IPCEF1: variants seen among roughly 807,000 people sequenced by gnomAD.
IPCEF1 encodes interaction protein for cytohesin exchange factors 1.
In IPCEF1, 31 loss-of-function variants were observed where a neutral mutation model predicts 50.9. The observed-to-expected ratio is 0.61, with a 90% confidence interval of 0.46 to 0.82. IPCEF1 has a LOEUF of 0.82. Among genes scored for constraint, IPCEF1 ranks in the 40% least tolerant of loss-of-function variants. The probability of loss-of-function intolerance (pLI) is 0.00; values close to 1 mark genes in which losing one functional copy is unlikely to be tolerated. For missense variants in IPCEF1, 458 were observed against 514.0 expected (o/e 0.89, Z 1.05); for synonymous variants, 181 against 192.0 (o/e 0.94, Z 0.47).
rs189031806 is a variant in IPCEF1, at chr6:154,165,439, C to T, written c.1104+2481G>A. Among the ~76,000 whole-genome samples the T allele has an allele frequency of 1.3e-3, 199 of 152,324 alleles. 1 individual carries two copies. Among genetic ancestry groups the T allele is most frequent in the Non-Finnish European group, 1.8e-3 (120 of 68,036 alleles). On this transcript the variant is annotated intron_variant, in intron 11 of 11. Transcript: ENST00000367220. ...TCTCTCCTTTGAATAGGTTGATGCA[C>T]TTTGCTTTTGTTCAGCTTCTTCAGC...
chr6:154,317,613 T>C (rs1439853506), intron 1 of IPCEF1, among the ~76,000 whole-genome samples: 1 of 43,770 alleles, frequency 2.3e-5, no homozygotes, highest in Non-Finnish European at 5.3e-5. Flanking sequence ...AATGTAAAAA[T>C]GGCCAAAAAA....
At chr6:154,261,596 A>G (rs555595836) in intron 3 of IPCEF1, among the ~76,000 whole-genome samples, 1 of 152,192 alleles carries the variant, frequency 6.6e-6, no homozygotes, top group Non-Finnish European at 1.5e-5. Context: ...TGAAAATCCC[A>G]TTGTTTCATT....
In IPCEF1 at chr6:154,199,866, G is replaced by T; in HGVS notation, c.712C>A (p.Pro238Thr). 2 of 1,614,174 alleles carry T rather than the reference G, an allele frequency of 1.2e-6. No homozygotes were observed. The highest frequency in any genetic ancestry group is 1.7e-6 in the Non-Finnish European group (2 of 1,180,024). The change falls in exon 10 of 12, where the codon CCA becomes ACA. Residue 238 changes from proline to threonine, a missense_variant. By Grantham distance (38) the Pro-to-Thr change is conservative. Transcript: ENST00000367220. ...SLSAAEDEGQPITFAVQVHSP... is the reference protein window; with the variant it reads ...SLSAAEDEGQTITFAVQVHSP... ...TGAACTTGCACAGCAAACGTTATTG[G>T]TTGTCCCTCATCTTCAGCAGCAGAC...
chr6:154,189,989 T>A (rs9479785), intron 10 of IPCEF1, among the ~76,000 whole-genome samples: 13,601 of 151,968 alleles, frequency 0.089, 885 homozygotes, highest in African/African-American at 0.18. Context: ...TATGTACAAT[T>A]GTTATATGTC....
At chr6:154,261,226 A>G (rs770638935) in intron 3 of IPCEF1, among the ~76,000 whole-genome samples, 2 of 151,944 alleles carry the variant, frequency 1.3e-5, no homozygotes, top group Non-Finnish European at 1.5e-5. Context: ...GGGTCTCCCT[A>G]TGTTGCCCAG....
intron 2 of IPCEF1, among the ~76,000 whole-genome samples, chr6:154,271,916 G>A (rs1389721395): frequency 1.3e-5 from 2 of 152,296 alleles, no homozygotes; most frequent in Admixed American, 6.5e-5. Context: ...GAGCCCAGGA[G>A]TTCAAGTCTG....
intron 1 of IPCEF1, among the ~76,000 whole-genome samples, chr6:154,354,258 C>T (rs1421520100): frequency 6.6e-6 from 1 of 152,140 alleles, no homozygotes; most frequent in African/African-American, 2.4e-5. Flanking sequence ...CCATGATTAC[C>T]TCCACCATTA....
intron 3 of IPCEF1, among the ~76,000 whole-genome samples, chr6:154,255,059 ATGT>A (rs1781429612): frequency 1.3e-5 from 2 of 152,130 alleles, no homozygotes; most frequent in Admixed American, 6.5e-5. Context: ...TCCATTAAAA[ATGT>A]TGTGTATTAT....
At chr6:154,310,767 T>C (rs1421951850) in intron 1 of IPCEF1, among the ~76,000 whole-genome samples, 1 of 151,902 alleles carries the variant, frequency 6.6e-6, no homozygotes, top group Non-Finnish European at 1.5e-5. Context: ...ACAAATACTA[T>C]ATGATCTCAC....
chr6:154,282,562 C>T (rs1782249236), intron 2 of IPCEF1, among the ~76,000 whole-genome samples: 1 of 152,120 alleles, frequency 6.6e-6, no homozygotes. Context: ...TGGCGGGCAC[C>T]TGTAGTCCCA....
At chr6:154,323,845 C>T (rs529628101) in intron 1 of IPCEF1, among the ~76,000 whole-genome samples, 3 of 152,224 alleles carry the variant, frequency 2.0e-5, no homozygotes, top group South Asian at 4.1e-4. Context: ...CCCAACTGCT[C>T]GGGAGGCTGA....
At chr6:154,238,932 A>T (rs200895797) in intron 5 of IPCEF1, among the ~76,000 whole-genome samples, 20,386 of 149,746 alleles carry the variant, frequency 0.14, 1,534 homozygotes, top group Non-Finnish European at 0.17. Flanking sequence ...GTTTTTTTTA[A>T]AAAAAAAAAG....
intron 2 of IPCEF1, among the ~76,000 whole-genome samples, chr6:154,289,499 T>C (rs1156467447): frequency 6.6e-6 from 1 of 151,768 alleles, no homozygotes; most frequent in Non-Finnish European, 1.5e-5. Context: ...ATAAATTACT[T>C]AATTCTCCCA....
intron 9 of IPCEF1, among the ~76,000 whole-genome samples, chr6:154,205,371 G>T (rs1181576324): frequency 6.6e-6 from 1 of 152,104 alleles, no homozygotes; most frequent in Non-Finnish European, 1.5e-5. Context: ...AAAACAGGTG[G>T]ATCACTTGAG....
intron 5 of IPCEF1, among the ~76,000 whole-genome samples, chr6:154,245,587 T>C (rs1267788818): frequency 6.6e-6 from 1 of 152,250 alleles, no homozygotes; most frequent in Non-Finnish European, 1.5e-5. Flanking sequence ...TGTACAGCTC[T>C]GTTGCTTGAA....
At chr6:154,165,615 C>T (rs1006774997) in intron 11 of IPCEF1, among the ~76,000 whole-genome samples, 3 of 152,244 alleles carry the variant, frequency 2.0e-5, no homozygotes, top group Non-Finnish European at 4.4e-5. Context: ...AAGAGCAGTT[C>T]CCTAGCTGGG....
intron 1 of IPCEF1, among the ~76,000 whole-genome samples, chr6:154,291,771 G>A (rs1320777196): frequency 3.0e-5 from 4 of 134,172 alleles, no homozygotes; most frequent in Non-Finnish European, 4.6e-5. Context: ...TGCAAGCTCC[G>A]CCTCCTGGGT....
chr6:154,257,785 A>T (rs1487110116), intron 3 of IPCEF1, among the ~76,000 whole-genome samples: 5 of 152,034 alleles, frequency 3.3e-5, no homozygotes, highest in Non-Finnish European at 5.9e-5. Flanking sequence ...CTGCAATCTC[A>T]ACTTCCCAGG....
intron 10 of IPCEF1, among the ~76,000 whole-genome samples, chr6:154,181,917 G>C (rs1398008818): frequency 6.6e-6 from 1 of 152,124 alleles, no homozygotes; most frequent in African/African-American, 2.4e-5. Flanking sequence ...ATTAAACAGA[G>C]GTATGAGTGC....
Sources: gnomAD v4.1 joint callset for allele counts (sites outside exome capture counted in the v4.1 genomes callset) on GRCh38, gnomAD v4.1.1 for gene constraint, MANE v1.5 for transcripts, NCBI Gene and HGNC (gene_info 2026-07-23, HGNC 2026-07-21) for gene names.